The following LMBR1 variants were observed in gnomAD, a reference collection of about 807,000 sequenced individuals.
LMBR1 encodes limb region 1 protein homolog.
In LMBR1, 52 loss-of-function variants were observed where a neutral mutation model predicts 73.9. That is an observed-to-expected ratio of 0.70 (90% CI 0.56 to 0.89). The LOEUF is 0.89. LMBR1 is among the 40% of genes least tolerant of loss of function. The pLI is 0.00. For missense variants in LMBR1, 539 were observed against 579.8 expected, an observed-to-expected ratio of 0.93 and a Z score of 0.72; for synonymous variants, 215 against 209.4, an observed-to-expected ratio of 1.03 and a Z score of -0.23.
intron 1 of LMBR1, among the ~76,000 whole-genome samples, chr7:156,837,266 C>T (rs1482870513): frequency 2.0e-5 from 3 of 149,106 alleles, no homozygotes; most frequent in African/African-American, 7.4e-5. Context: ...ACGCAGGAGG[C>T]GGAGGTTGCA....
intron 4 of LMBR1, among the ~76,000 whole-genome samples, chr7:156,817,900 A>G (rs1014621091): frequency 6.6e-6 from 1 of 152,108 alleles, no homozygotes; most frequent in Non-Finnish European, 1.5e-5. Flanking sequence ...ATTATCATCT[A>G]TAATGTCCAG....
rs183263721 is a variant in LMBR1, at chr7:156,892,719, C to G, written c.66+209G>C. 28,762 of 343,666 alleles carry G rather than the reference C, an allele frequency of 0.084. 1,403 individuals are homozygous for G. Among genetic ancestry groups the G allele is most frequent in the African/African-American group, 0.12 (4,824 of 40,052 alleles). The allele number at this position is 343,666 out of a possible 1,614,324, so 21.3% of individuals were successfully genotyped here. On this transcript the variant is annotated intron_variant, in intron 1 of 16. Coordinates refer to ENST00000353442, the MANE Select transcript of LMBR1 (RefSeq NM_022458.4). The stretch of plus-strand genomic sequence containing the variant: ...GGAGCGGGGGGGCAGGCAGAGGAAG[C>G]GAAGGGGAGGGGAGGGGAGAGGAGA...
chr7:156,703,909 G>A (rs1810337891), intron 15 of LMBR1, among the ~76,000 whole-genome samples: 1 of 152,134 alleles, frequency 6.6e-6, no homozygotes, highest in Non-Finnish European at 1.5e-5. Flanking sequence ...ACCCACTGTA[G>A]CTGGCTCTAA....
intron 5 of LMBR1, 91 bp from the exon 6 acceptor site, chr7:156,763,886 C>T (rs1241438549): frequency 1.0e-5 from 10 of 998,294 alleles, no homozygotes; most frequent in Non-Finnish European, 1.4e-5. Flanking sequence ...AAAATAATCC[C>T]TTGGAAGGAG....
Position 156,703,867 on chromosome 7 carries a change from A to G in LMBR1, c.1226-15676T>C, listed in dbSNP as rs189029232. ...CCTGAGACACCCAAGTACTTCTCCC[A>G]TGGAAAAGAGGCTGGGCACAAATCC... is the stretch of plus-strand genomic sequence containing the variant. On this transcript the variant is annotated intron_variant, in intron 15 of 16. Coordinates refer to ENST00000353442, the MANE Select transcript of LMBR1 (RefSeq NM_022458.4). Among the ~76,000 whole-genome samples, 4 of 152,252 alleles carry G rather than the reference A, an allele frequency of 2.6e-5. No individual in the cohort carries two copies. In the East Asian group the frequency reaches 7.7e-4, roughly 29 times the overall value.
At chr7:156,721,878 G>A (rs1359907426) in intron 15 of LMBR1, among the ~76,000 whole-genome samples, 1 of 151,732 alleles carries the variant, frequency 6.6e-6, no homozygotes, top group Non-Finnish European at 1.5e-5. Context: ...TATTTAAAAG[G>A]AATTATTTAA....
At position 156,725,301 on chromosome 7, in the gene LMBR1, T is replaced by C. The variant is rs1815500329; in HGVS notation, c.1158+134A>G. 4 of 581,392 alleles carry C rather than the reference T, an allele frequency of 6.9e-6. No individual in the cohort carries two copies. The South Asian group carries it at 1.1e-4, about 16-fold the overall frequency. The allele number at this position is 581,392 out of a possible 1,614,324, so 36.0% of individuals were successfully genotyped here. ...CCACTCACTCAGCATTTTGAAAATC[T>C]TCCAGTTTGTGTTTACGCAACTTAC... On this transcript the variant is annotated intron_variant, in intron 14 of 16. Coordinates refer to ENST00000353442, the MANE Select transcript of LMBR1 (RefSeq NM_022458.4).
At chr7:156,825,044 C>T (rs1044141353) in intron 4 of LMBR1, among the ~76,000 whole-genome samples, 10 of 152,116 alleles carry the variant, frequency 6.6e-5, no homozygotes, top group Non-Finnish European at 1.0e-4. Flanking sequence ...GATCCTAACA[C>T]GTCCTTATGT....
chr7:156,814,589 A>G (rs372067271), intron 4 of LMBR1, among the ~76,000 whole-genome samples: 1 of 152,238 alleles, frequency 6.6e-6, no homozygotes, highest in African/African-American at 2.4e-5. Flanking sequence ...TACTCTAACA[A>G]AATCAAGGTA....
At chr7:156,676,497 G>A, downstream of LMBR1, 1 of 1,614,000 alleles carries the variant, frequency 6.2e-7, no homozygotes, top group Admixed American at 1.7e-5. Flanking sequence ...CGTGGGTGCA[G>A]GCAGGCGTTC....
At chr7:156,731,957 T>C (rs1451172580) in intron 10 of LMBR1, among the ~76,000 whole-genome samples, 1 of 150,986 alleles carries the variant, frequency 6.6e-6, no homozygotes, top group Non-Finnish European at 1.5e-5. Context: ...AAGAGTTACA[T>C]ACCAGAATGA....
intron 5 of LMBR1, 111 bp from the exon 6 acceptor site, chr7:156,763,906 A>G (rs1222611337): frequency 2.5e-6 from 2 of 798,882 alleles, no homozygotes; most frequent in Non-Finnish European, 3.6e-6. Flanking sequence ...GAGGAAATTT[A>G]TATTTATTAA....
At chr7:156,724,543 C>T (rs1408096029) in intron 14 of LMBR1, among the ~76,000 whole-genome samples, 1 of 152,008 alleles carries the variant, frequency 6.6e-6, no homozygotes, top group East Asian at 1.9e-4. Flanking sequence ...ATTTTTAAGG[C>T]CAGATTATTG....
In LMBR1 at chr7:156,669,566, A is replaced by G. The variant is rs1015796925; in HGVS notation, n.867-279T>C. The stretch of plus-strand genomic sequence containing the variant: ...GGCACAGGTGACCCTTCCAGGACCC[A>G]GACCCCTGTGAGGCCCTGAGCTGGG... On this transcript the variant is annotated intron_variant and non_coding_transcript_variant, in intron 4 of 4. Coordinates refer to the LMBR1 transcript ENST00000430825. This position sits in a 1 kb window ranked among gnomAD's most constrained non-coding sequence, Gnocchi z 4.2. Among the ~76,000 whole-genome samples, 2 of 152,178 alleles carry G rather than the reference A, an allele frequency of 1.3e-5. No individual in the cohort carries two copies. The highest frequency in any genetic ancestry group is 2.4e-5 in the African/African-American group (1 of 41,450).
intron 5 of LMBR1, among the ~76,000 whole-genome samples, chr7:156,772,465 G>A (rs1260025272): frequency 2.0e-5 from 3 of 152,156 alleles, no homozygotes; most frequent in African/African-American, 7.2e-5. Context: ...ATAGCCCCTT[G>A]AGAACCGTAA....
chr7:156,839,771 C>T (rs1838312886), intron 1 of LMBR1, among the ~76,000 whole-genome samples: 1 of 152,168 alleles, frequency 6.6e-6, no homozygotes, highest in Non-Finnish European at 1.5e-5. Context: ...ACCAAAAGGA[C>T]CAAAGGGCAT....
intron 13 of LMBR1, 60 bp downstream of exon 13, chr7:156,725,704 C>T (rs1815595982): frequency 2.0e-6 from 3 of 1,465,590 alleles, no homozygotes; most frequent in Admixed American, 1.8e-5. Flanking sequence ...TAACTACTGC[C>T]CCAGAAAACT....
At chr7:156,684,221 G>C in intron 16 of LMBR1, 58 bp from the exon 17 acceptor site, 1 of 1,310,096 alleles carries the variant, frequency 7.6e-7, no homozygotes, top group Non-Finnish European at 1.1e-6. Flanking sequence ...GCTGGGAAAG[G>C]GTTAGGGTAG....
intron 4 of LMBR1, chr7:156,822,172 T>C (rs1240455212): frequency 6.6e-6 from 1 of 152,186 alleles, no homozygotes; most frequent in Non-Finnish European, 1.5e-5. Flanking sequence ...AATATGGCAC[T>C]GGCATAGGAA....
Sources: allele counts gnomAD v4.1 joint callset (sites outside exome capture counted in the v4.1 genomes callset), GRCh38; gene constraint gnomAD v4.1.1; non-coding constraint Gnocchi (gnomAD v3.1); transcripts MANE v1.5; gene names NCBI Gene and HGNC (gene_info 2026-07-23, HGNC 2026-07-21).